FAAH2: variants seen among roughly 807,000 people sequenced by gnomAD.
The protein encoded by FAAH2 is fatty acid amide hydrolase 2.
FAAH2 carries 60 observed loss-of-function variants against 36.9 expected under a neutral mutation model. That is an observed-to-expected ratio of 1.63 (90% CI 1.32 to 2.02). FAAH2 has a LOEUF of 2.02. FAAH2 is among the 30% of genes most tolerant of loss of function. The pLI is 0.00. For missense variants in FAAH2, 689 were observed against 397.5 expected, an observed-to-expected ratio of 1.73 and a Z score of -6.23; for synonymous variants, 214 against 143.8, an observed-to-expected ratio of 1.49 and a Z score of -3.49.
chrX:57,390,601 T>A (rs750054151), intron 7 of FAAH2, among the ~76,000 whole-genome samples: 8 of 111,504 alleles, frequency 7.2e-5, no homozygotes, highest in Non-Finnish European at 1.5e-4. Context: ...GTTTCTGAGT[T>A]GTTTAACTTA....
At chrX:57,400,303 G>T (rs1030838382) in intron 7 of FAAH2, among the ~76,000 whole-genome samples, 1 of 112,214 alleles carries the variant, frequency 8.9e-6, no homozygotes, top group Non-Finnish European at 1.9e-5. Context: ...TGCTACTGCT[G>T]CCACTACCCA....
intron 7 of FAAH2, among the ~76,000 whole-genome samples, chrX:57,416,220 G>C (rs1302400595): frequency 3.6e-5 from 4 of 111,238 alleles, no homozygotes; most frequent in Non-Finnish European, 7.5e-5. Flanking sequence ...CACTTAGCCT[G>C]TTTACATTTA....
At chrX:57,193,082 G>C in the FAAH2 span, among the ~76,000 whole-genome samples, 1 of 112,098 alleles carries the variant, frequency 8.9e-6, no homozygotes, top group African/African-American at 3.2e-5. Context: ...TGGTGAGCTG[G>C]GTGGAACACA....
At chrX:57,302,834 C>T (rs1299719786) in intron 2 of FAAH2, among the ~76,000 whole-genome samples, 3 of 111,157 alleles carry the variant, frequency 2.7e-5, no homozygotes, top group Non-Finnish European at 5.7e-5. Context: ...ACCCTTAGGC[C>T]TCATCCTGTT....
At chrX:57,165,816 C>T in the FAAH2 span, among the ~76,000 whole-genome samples, 6 of 111,092 alleles carry the variant, frequency 5.4e-5, no homozygotes, top group African/African-American at 2.0e-4. Flanking sequence ...TGTGGGGTCC[C>T]TGGCAAGAAC....
At chrX:57,170,575 T>A in the FAAH2 span, among the ~76,000 whole-genome samples, 33 of 111,551 alleles carry the variant, frequency 3.0e-4, no homozygotes, top group South Asian at 1.1e-3. Context: ...AGTTTTTAAT[T>A]CCTTGACCCC....
At chrX:57,320,846 A>C (rs1396167357) in intron 3 of FAAH2, among the ~76,000 whole-genome samples, 1 of 112,619 alleles carries the variant, frequency 8.9e-6, no homozygotes, top group Non-Finnish European at 1.9e-5. Flanking sequence ...AGTTATAAAA[A>C]AAGATGAGTT....
chrX:57,382,812 C>G (rs756675012), intron 7 of FAAH2, among the ~76,000 whole-genome samples: 1 of 111,518 alleles, frequency 9.0e-6, no homozygotes, highest in Admixed American at 9.5e-5. Flanking sequence ...GGGAATCCTC[C>G]CTAACTCATT....
At chrX:57,162,693 C>T in the FAAH2 span, among the ~76,000 whole-genome samples, 3 of 112,030 alleles carry the variant, frequency 2.7e-5, no homozygotes, top group East Asian at 5.6e-4. Context: ...AGTTCTTGAG[C>T]CTTGGTTTTC....
intron 2 of FAAH2, among the ~76,000 whole-genome samples, chrX:57,307,710 G>T (rs894325749): frequency 9.0e-6 from 1 of 110,952 alleles, no homozygotes; most frequent in South Asian, 3.8e-4. Context: ...GTGATACTGA[G>T]GTTTGGGATG....
chrX:57,481,916 G>A (rs2057387150), intron 10 of FAAH2, among the ~76,000 whole-genome samples: 1 of 111,790 alleles, frequency 8.9e-6, no homozygotes, highest in South Asian at 3.7e-4. Flanking sequence ...GTAAGCACCC[G>A]ACTGGGGCTG....
At chrX:57,393,511 G>T in intron 7 of FAAH2, 1 of 975,514 alleles carries the variant, frequency 1.0e-6, no homozygotes, top group South Asian at 1.9e-5. Flanking sequence ...TAGAGGAATT[G>T]CCGTGTGCGA....
chrX:57,458,059 A>G (rs2056893101), intron 10 of FAAH2, among the ~76,000 whole-genome samples: 1 of 112,057 alleles, frequency 8.9e-6, no homozygotes, highest in South Asian at 3.7e-4. Context: ...CTATAAGGCT[A>G]CAATAATCAA....
the FAAH2 span, among the ~76,000 whole-genome samples, chrX:57,139,976 A>G: frequency 8.9e-6 from 1 of 112,008 alleles, no homozygotes; most frequent in Non-Finnish European, 1.9e-5. Flanking sequence ...AACAATATTA[A>G]TTAGTCCAAC....
At chrX:57,166,424 A>G in the FAAH2 span, among the ~76,000 whole-genome samples, 1 of 111,649 alleles carries the variant, frequency 9.0e-6, no homozygotes, top group South Asian at 3.8e-4. Context: ...CCCACCCTAG[A>G]TGCTGCCATG....
intron 2 of FAAH2, among the ~76,000 whole-genome samples, chrX:57,304,192 G>A (rs1470062150): frequency 8.9e-6 from 1 of 111,968 alleles, no homozygotes; most frequent in Non-Finnish European, 1.9e-5. Flanking sequence ...GGCCGACAGA[G>A]AGAGACTGTC....
At chrX:57,476,227 T>C (rs1172695472) in intron 10 of FAAH2, among the ~76,000 whole-genome samples, 1 of 111,389 alleles carries the variant, frequency 9.0e-6, no homozygotes, top group East Asian at 2.8e-4. Flanking sequence ...GAACTTCCAA[T>C]ACTGTGTTGA....
At chrX:57,423,208 G>A (rs780660393) in intron 7 of FAAH2, among the ~76,000 whole-genome samples, 2 of 112,037 alleles carry the variant, frequency 1.8e-5, no homozygotes, top group East Asian at 5.7e-4. Context: ...AGAACTGCAC[G>A]GAAATCTACT....
intron 7 of FAAH2, among the ~76,000 whole-genome samples, chrX:57,416,406 T>G (rs1019288806): frequency 1.8e-5 from 2 of 111,490 alleles, no homozygotes; most frequent in Non-Finnish European, 3.8e-5. Context: ...CTTCAGGAGC[T>G]TTTGTAAGGC....
Sources: gnomAD v4.1 joint callset for allele counts (sites outside exome capture counted in the v4.1 genomes callset) on GRCh38, gnomAD v4.1.1 for gene constraint, MANE v1.5 for transcripts, NCBI Gene and HGNC (gene_info 2026-07-23, HGNC 2026-07-21) for gene names.